The following NFATC2 variants were observed in gnomAD, a reference collection of about 807,000 sequenced individuals.
NFATC2 encodes the protein nuclear factor of activated T cells 2.
A neutral mutation model predicts 87.3 loss-of-function variants in NFATC2; 22 were observed. The observed-to-expected ratio is 0.25, with a 90% CI of 0.18 to 0.36. NFATC2 has a LOEUF of 0.36. NFATC2 is among the 10% of genes least tolerant of loss of function. The probability of loss-of-function intolerance (pLI) is 1.00; values close to 1 mark genes in which losing one functional copy is unlikely to be tolerated. For missense variants in NFATC2, 1,149 were observed against 1,259.1 expected (o/e 0.91, Z 1.32); for synonymous variants, 565 against 542.2 (o/e 1.04, Z -0.58).
At chr20:51,561,597 T>C (rs1224787759) in intron 1 of NFATC2, among the ~76,000 whole-genome samples, 2 of 126,194 alleles carry the variant, frequency 1.6e-5, no homozygotes, top group Non-Finnish European at 3.2e-5. Context: ...CCCCGAACTT[T>C]AATCAGCCAC....
At chr20:51,439,160 G>T (rs1600731468) in intron 6 of NFATC2, among the ~76,000 whole-genome samples, 2 of 152,178 alleles carry the variant, frequency 1.3e-5, no homozygotes, top group East Asian at 3.9e-4. Context: ...GCACAACCTG[G>T]CTCCTACCCT....
intron 3 of NFATC2, among the ~76,000 whole-genome samples, chr20:51,491,309 C>T (rs970841490): frequency 6.6e-6 from 1 of 151,896 alleles, no homozygotes; most frequent in African/African-American, 2.4e-5. Flanking sequence ...AGAGGGAAAT[C>T]AACCAATGTA....
At chr20:51,462,839 A>G (rs1453852058) in intron 5 of NFATC2, among the ~76,000 whole-genome samples, 2 of 152,318 alleles carry the variant, frequency 1.3e-5, no homozygotes, top group East Asian at 3.9e-4. Flanking sequence ...CCAGAGGAGA[A>G]GGAATAAGCT....
chr20:51,394,862 C>T (rs1168995250), intron 10 of NFATC2, among the ~76,000 whole-genome samples: 2 of 151,244 alleles, frequency 1.3e-5, no homozygotes, highest in Non-Finnish European at 2.9e-5. Context: ...GTGCAGTGTT[C>T]TGCCTCTTCC....
chr20:51,448,367 C>A (rs571245119), intron 6 of NFATC2, among the ~76,000 whole-genome samples: 15 of 152,232 alleles, frequency 9.9e-5, no homozygotes, highest in African/African-American at 3.4e-4. Context: ...GGAGGCCGGA[C>A]GCAGTGGCTC....
chr20:51,457,886 C>CT lies in NFATC2; in HGVS notation c.1709-3199dup, dbSNP rs11325400. On this transcript the variant is annotated intron_variant, in intron 5 of 10. Transcript: ENST00000371564. ...TACTGACACCCAGGCCCTCCTCGTC[C>CT]TTTTTTTTTTTTTTTTTGAGACATG... is the stretch of plus-strand genomic sequence containing the variant. Among the ~76,000 whole-genome samples the CT allele has an allele frequency of 0.012, 1,571 of 132,896 alleles. 51 individuals are homozygous for CT. In the East Asian group the frequency reaches 0.13, roughly 11 times the overall value. 87.2% of individuals were successfully genotyped at this position (132,896 alleles called of 152,430 possible).
chr20:51,390,609 T>C lies in NFATC2; in HGVS notation c.*887A>G, dbSNP rs1231347147. On this transcript the variant is annotated 3_prime_UTR_variant, in exon 11 of 11. Coordinates refer to ENST00000371564, the MANE Select transcript of NFATC2 (RefSeq NM_012340.5). ...CCCCCCAAGTCTATGGAAATTGTGT[T>C]AGCAGGACTGCGTGCTGCAGGGGTT... 6.6e-6 allele frequency: 1 copy of C among 152,500 alleles called. No individual in the cohort carries two copies. The highest frequency in any genetic ancestry group is 1.5e-5 in the Non-Finnish European group (1 of 68,298). 9.4% of individuals were successfully genotyped at this position (152,500 alleles called of 1,614,324 possible).
intron 6 of NFATC2, among the ~76,000 whole-genome samples, chr20:51,440,915 C>A (rs1212386575): frequency 2.6e-5 from 4 of 152,362 alleles, no homozygotes; most frequent in Middle Eastern, 3.4e-3. Flanking sequence ...TGCACAAGTC[C>A]TGGGCTTTCG....
In NFATC2 at chr20:51,553,184, G is replaced by A. The variant is rs148322756; in HGVS notation, c.70+9376C>T. On this transcript the variant is annotated intron_variant, in intron 1 of 10. Coordinates refer to the NFATC2 transcript ENST00000414705. ...CTGTTCCCTGGGGATGCCCTCCTCC[G>A]TTTGCCCCAGCCCCCACCTGTCTTC... is the stretch of plus-strand genomic sequence containing the variant. Among the ~76,000 whole-genome samples the A allele has an allele frequency of 1.1e-3, 172 of 152,080 alleles. 2 individuals are homozygous for A. The East Asian group carries it at 0.021, about 19-fold the overall frequency.
rs73615388 is a variant in NFATC2 at position 51,444,817 on chromosome 20, A to G, written c.1850-9056T>C. ...AGCATGGGCTTAATGAGCCCAGCAG[A>G]CAGGGGTGGGGTGGGGGAGATTCAG... On this transcript the variant is annotated intron_variant, in intron 6 of 10. Transcript: ENST00000371564. Among the ~76,000 whole-genome samples, 1,620 of 152,236 alleles carry G rather than the reference A, an allele frequency of 0.011. 76 individuals carry two copies. In the East Asian group the frequency reaches 0.16, roughly 15 times the overall value.
chr20:51,525,151 C>T (rs1162888619), intron 1 of NFATC2, among the ~76,000 whole-genome samples: 8 of 152,124 alleles, frequency 5.3e-5, no homozygotes, highest in African/African-American at 1.9e-4. Flanking sequence ...AACCAGGAGG[C>T]GGAGGTTTCA....
chr20:51,522,765 A>G (rs1377110213), intron 2 of NFATC2, among the ~76,000 whole-genome samples: 1 of 152,116 alleles, frequency 6.6e-6, no homozygotes, highest in African/African-American at 2.4e-5. Flanking sequence ...ATGTAACAGA[A>G]TCTGCCACCT....
intron 6 of NFATC2, among the ~76,000 whole-genome samples, chr20:51,442,703 GTTTGT>G (rs1189706543): frequency 0.012 from 1,310 of 106,978 alleles, 32 homozygotes; most frequent in African/African-American, 0.044. Flanking sequence ...TTTAAATAAA[GTTTGT>G]TTTTTTTTTT....
chr20:51,464,022 C>T (rs761437770), intron 5 of NFATC2, among the ~76,000 whole-genome samples: 5 of 152,220 alleles, frequency 3.3e-5, no homozygotes, highest in African/African-American at 1.2e-4. Context: ...TCAGGTGGCC[C>T]ACCCCACTGG....
At chr20:51,511,917 G>A (rs1256542975) in intron 3 of NFATC2, among the ~76,000 whole-genome samples, 1 of 152,124 alleles carries the variant, frequency 6.6e-6, no homozygotes, top group Admixed American at 6.5e-5. Context: ...CCTCACCTTG[G>A]CTTTTAAGCC....
chr20:51,425,039 T>A (rs538550558), intron 9 of NFATC2, among the ~76,000 whole-genome samples: 11 of 151,478 alleles, frequency 7.3e-5, no homozygotes, highest in African/African-American at 2.2e-4. Flanking sequence ...TTTCATGGCA[T>A]GGAGATTAGG....
At chr20:51,534,931 G>A (rs2076695510) in intron 1 of NFATC2, among the ~76,000 whole-genome samples, 1 of 152,188 alleles carries the variant, frequency 6.6e-6, no homozygotes, top group Admixed American at 6.5e-5. Context: ...ATTGTGTGCA[G>A]TAGTCCTTTC....
intron 1 of NFATC2, among the ~76,000 whole-genome samples, chr20:51,554,101 C>G (rs910314165): frequency 6.6e-6 from 1 of 152,090 alleles, no homozygotes; most frequent in Non-Finnish European, 1.5e-5. Context: ...GTCATCAGCT[C>G]CCATCCGCAC....
At chr20:51,459,557 C>G (rs1422482862) in intron 5 of NFATC2, among the ~76,000 whole-genome samples, 2 of 152,164 alleles carry the variant, frequency 1.3e-5, no homozygotes, top group Non-Finnish European at 2.9e-5. Context: ...AGTGGCAGCT[C>G]TCTGTGCCTC....
Sources: gnomAD v4.1 joint callset for allele counts (sites outside exome capture counted in the v4.1 genomes callset) on GRCh38, gnomAD v4.1.1 for gene constraint, MANE v1.5 for transcripts, NCBI Gene and HGNC (gene_info 2026-07-23, HGNC 2026-07-21) for gene names.